Variants in TRAPPC9 observed in about 807,000 individuals in gnomAD.
The protein encoded by TRAPPC9 is IKK2 binding protein.
A neutral mutation model predicts 124.0 loss-of-function variants in TRAPPC9; 83 were observed. The ratio of observed to expected loss-of-function variants is 0.67; its 90% CI spans 0.56 to 0.80. TRAPPC9 has a LOEUF of 0.80. TRAPPC9 is among the 30% of genes least tolerant of loss of function. The pLI is 0.00. For synonymous variants in TRAPPC9, 638 were observed against 617.5 expected, an observed-to-expected ratio of 1.03 and a Z score of -0.49; for missense variants, 1,302 against 1,508.3, an observed-to-expected ratio of 0.86 and a Z score of 2.27.
Position 140,023,947 on chromosome 8 carries a change from G to C in TRAPPC9, c.2689C>G (p.Pro897Ala), listed in dbSNP as rs1056486718. The change falls in exon 18 of 23, where the codon CCA (proline) becomes GCA (alanine). Residue 897 changes from proline (P) to alanine (A), a missense_variant. Physicochemically the swap from Pro to Ala is conservative, Grantham distance 27. Transcript: ENST00000438773. ...CAGGAAGACATTTACCTGGTTGCTG[G>C]GAGGGTGCTGACTCGGGTGAAAAAT... ...SVFFTRVSTL[P>A]ATSTRQCHLL... 1.2e-6 allele frequency: 2 copies of C among 1,613,930 alleles called. No individual in the cohort carries two copies. The highest frequency in any genetic ancestry group is 1.7e-6 in the Non-Finnish European group (2 of 1,179,946).
At chr8:140,025,370 A>G (rs1423556779) in intron 17 of TRAPPC9, among the ~76,000 whole-genome samples, 1 of 152,206 alleles carries the variant, frequency 6.6e-6, no homozygotes, top group Non-Finnish European at 1.5e-5. Context: ...CTTGTAAAAC[A>G]AAACAAAACA....
At chr8:139,840,047 G>A (rs1485312476) in intron 21 of TRAPPC9, among the ~76,000 whole-genome samples, 3 of 152,194 alleles carry the variant, frequency 2.0e-5, no homozygotes, top group Non-Finnish European at 4.4e-5. Flanking sequence ...TGAAATGTTC[G>A]GCCAGTCTGG....
At chr8:140,270,321 T>G (rs898392932) in intron 15 of TRAPPC9, among the ~76,000 whole-genome samples, 2 of 152,056 alleles carry the variant, frequency 1.3e-5, no homozygotes, top group Admixed American at 1.3e-4. Flanking sequence ...AATCGCACAG[T>G]GGTTCCCACA....
chr8:140,408,178 C>T lies in TRAPPC9; in HGVS notation c.887-2480G>A, dbSNP rs186528017. The stretch of plus-strand genomic sequence containing the variant: ...TCATGAACTAGTGGACCAGAGCCAT[C>T]AAGACCCATAGCCTGTAGATTACAG... On this transcript the variant is annotated intron_variant, in intron 5 of 22. Transcript: ENST00000438773. Among the ~76,000 whole-genome samples the T allele has an allele frequency of 2.5e-3, 386 of 152,226 alleles. 4 individuals are homozygous for T. The highest frequency in any genetic ancestry group is 2.7e-3 in the East Asian group (14 of 5,184).
chr8:139,887,685 C>T (rs571271748), intron 20 of TRAPPC9, among the ~76,000 whole-genome samples: 1 of 152,330 alleles, frequency 6.6e-6, no homozygotes, highest in South Asian at 2.1e-4. Flanking sequence ...CCTTGCTTCT[C>T]CTGCAGGAAC....
intron 21 of TRAPPC9, among the ~76,000 whole-genome samples, chr8:139,801,032 T>C (rs764783186): frequency 4.3e-5 from 6 of 140,236 alleles, no homozygotes; most frequent in African/African-American, 1.1e-4. Flanking sequence ...CTCCCTCCGG[T>C]ACCTTCCCTC....
At chr8:140,274,167 A>G (rs1029875381) in intron 15 of TRAPPC9, among the ~76,000 whole-genome samples, 3 of 152,186 alleles carry the variant, frequency 2.0e-5, no homozygotes, top group Admixed American at 1.3e-4. Context: ...CTCACTCAAT[A>G]AAAAATACAC....
intron 18 of TRAPPC9, among the ~76,000 whole-genome samples, chr8:140,004,291 T>C (rs933191748): frequency 2.6e-5 from 4 of 152,190 alleles, no homozygotes; most frequent in Admixed American, 2.6e-4. Context: ...CTATCTGTGT[T>C]GCTCATTAAA....
intron 19 of TRAPPC9, among the ~76,000 whole-genome samples, chr8:139,929,806 A>T (rs1216886019): frequency 6.6e-6 from 1 of 152,218 alleles, no homozygotes; most frequent in African/African-American, 2.4e-5. Context: ...CAGGTGTTCA[A>T]GGAAGGCCCA....
chr8:139,839,683 C>T (rs750448557), intron 21 of TRAPPC9, among the ~76,000 whole-genome samples: 3 of 152,304 alleles, frequency 2.0e-5, no homozygotes, highest in South Asian at 4.1e-4. Context: ...TTCCTAGGGG[C>T]GCCTACTCAT....
chr8:140,015,839 T>G (rs1251765697), intron 18 of TRAPPC9, among the ~76,000 whole-genome samples: 4 of 152,140 alleles, frequency 2.6e-5, no homozygotes, highest in African/African-American at 4.8e-5. Flanking sequence ...GTCATCCCTT[T>G]TATACAAAAG....
intron 7 of TRAPPC9, among the ~76,000 whole-genome samples, chr8:140,387,436 C>A (rs2068784114): frequency 6.6e-6 from 1 of 152,136 alleles, no homozygotes; most frequent in South Asian, 2.1e-4. Context: ...AGTGAACAGG[C>A]AACCTACAGA....
intron 17 of TRAPPC9, among the ~76,000 whole-genome samples, chr8:140,107,580 A>C (rs1235929467): frequency 1.3e-5 from 2 of 152,230 alleles, no homozygotes; most frequent in Non-Finnish European, 2.9e-5. Context: ...AGTTCCAGCA[A>C]TGCCTCTCAG....
chr8:139,804,964 C>T (rs1008869158), intron 21 of TRAPPC9, among the ~76,000 whole-genome samples: 1 of 152,222 alleles, frequency 6.6e-6, no homozygotes, highest in South Asian at 2.1e-4. Flanking sequence ...GAGCTCAGGG[C>T]CAGGTCCTCA....
chr8:140,193,448 G>C (rs968410931), intron 17 of TRAPPC9, among the ~76,000 whole-genome samples: 1 of 152,064 alleles, frequency 6.6e-6, no homozygotes. Context: ...TGAGTCAGCT[G>C]AATGTAAGTC....
At chr8:140,295,574 T>A (rs2065782625) in intron 11 of TRAPPC9, among the ~76,000 whole-genome samples, 1 of 152,220 alleles carries the variant, frequency 6.6e-6, no homozygotes, top group African/African-American at 2.4e-5. Flanking sequence ...GAGGCCAGTG[T>A]TGCAGTCATC....
At chr8:140,014,874 G>A (rs896967402) in intron 18 of TRAPPC9, among the ~76,000 whole-genome samples, 8 of 152,192 alleles carry the variant, frequency 5.3e-5, no homozygotes, top group Non-Finnish European at 1.2e-4. Context: ...AACACCCAGG[G>A]CATGCCCTGG....
intron 19 of TRAPPC9, among the ~76,000 whole-genome samples, chr8:139,973,364 G>A (rs1171840631): frequency 3.3e-5 from 5 of 152,168 alleles, no homozygotes; most frequent in Admixed American, 6.5e-5. Context: ...TGTGATCACT[G>A]TCTGCCCTTC....
intron 21 of TRAPPC9, among the ~76,000 whole-genome samples, chr8:139,768,044 A>T (rs1045706656): frequency 6.6e-6 from 1 of 152,224 alleles, no homozygotes; most frequent in African/African-American, 2.4e-5. Flanking sequence ...GGCCAGATTT[A>T]TAATATGGGC....
Sources: allele counts gnomAD v4.1 joint callset (sites outside exome capture counted in the v4.1 genomes callset), GRCh38; gene constraint gnomAD v4.1.1; transcripts MANE v1.5; gene names NCBI Gene and HGNC (gene_info 2026-07-23, HGNC 2026-07-21).